Variants in MYH3 observed in about 807,000 individuals in gnomAD.
MYH3 encodes myosin heavy chain 3, also known as myosin-3.
Under a neutral mutation model 238.0 loss-of-function variants are expected in MYH3, and 130 were observed. The ratio of observed to expected loss-of-function variants is 0.55; its 90% CI spans 0.47 to 0.63. The LOEUF (loss-of-function observed/expected upper bound fraction) is 0.63, where lower values mean the gene tolerates loss of function less well. Ranked by LOEUF, MYH3 falls within the 30% of genes least tolerant of loss-of-function variation. The probability of loss-of-function intolerance (pLI) is 0.00; values close to 1 mark genes in which losing one functional copy is unlikely to be tolerated. For missense variants in MYH3, 1,853 were observed against 2,374.9 expected (o/e 0.78, Z 4.57); for synonymous variants, 880 against 924.1 (o/e 0.95, Z 0.86).
intron 12 of MYH3, 146 bp from the exon 13 acceptor site, chr17:10,644,848 A>G: frequency 1.4e-6 from 1 of 716,298 alleles, no homozygotes; most frequent in Non-Finnish European, 2.5e-6. Context: ...ATGGAAGCTA[A>G]GTCACTCAGA....
At chr17:10,665,109 A>C in the MYH3 span, among the ~76,000 whole-genome samples, 1 of 151,924 alleles carries the variant, frequency 6.6e-6, no homozygotes, top group Admixed American at 6.6e-5. Flanking sequence ...TTAAAATGTA[A>C]GCCATAACCT....
intron 36 of MYH3, among the ~76,000 whole-genome samples, chr17:10,630,889 C>T (rs113583099): frequency 0.015 from 2,245 of 152,056 alleles, 34 homozygotes; most frequent in African/African-American, 0.039. Context: ...AAAAGGACAA[C>T]GGGTGAGACT....
chr17:10,631,771 A>G, intron 35 of MYH3, 35 bp from the exon 36 acceptor site: 2 of 1,614,050 alleles, frequency 1.2e-6, no homozygotes, highest in Non-Finnish European at 1.7e-6. Context: ...CCAGGTGCGT[A>G]TGAGGCTGGA....
At chr17:10,647,758 T>C (rs1358610086) in intron 8 of MYH3, among the ~76,000 whole-genome samples, 1 of 152,192 alleles carries the variant, frequency 6.6e-6, no homozygotes, top group Non-Finnish European at 1.5e-5. Context: ...TTGGCCAGGA[T>C]GGTCTCGATC....
upstream of MYH3, among the ~76,000 whole-genome samples, chr17:10,661,611 A>T (rs115613863): frequency 4.2e-3 from 635 of 152,268 alleles, 2 homozygotes; most frequent in African/African-American, 0.014. Flanking sequence ...CAGGCAATGA[A>T]TCAGGTGGCT....
chr17:10,653,190 G>A (rs987156880), intron 3 of MYH3, among the ~76,000 whole-genome samples: 4 of 152,158 alleles, frequency 2.6e-5, no homozygotes, highest in African/African-American at 9.7e-5. Flanking sequence ...TGGGAACGGG[G>A]CCAGCAGGAA....
upstream of MYH3, chr17:10,658,486 C>CT (rs34762532): frequency 0.029 from 4,445 of 152,310 alleles, 88 homozygotes; most frequent in Middle Eastern, 0.088. Context: ...TGCTCTGGCC[C>CT]TTACACACAG....
In MYH3 at chr17:10,642,840, C is replaced by T. The variant is rs760785498; in HGVS notation, c.1567G>A (p.Glu523Lys). 5 of 1,614,070 alleles carry T rather than the reference C, an allele frequency of 3.1e-6. No homozygotes were observed. Among genetic ancestry groups the T allele is most frequent in the Non-Finnish European group, 4.2e-6 (5 of 1,180,004 alleles). ...DFGMDLAACI[E>K]LIEKPMGIFS... ...GAACTGGATACCTTCTCGATGAGCT[C>T]GATGCAGGCAGCCAGGTCCATCCCG... The change falls in exon 15 of 41, where the codon GAG becomes AAG. Residue 523 changes from glutamate to lysine, a missense_variant. Glu to Lys is a moderately conservative substitution (Grantham distance 56). Coordinates refer to ENST00000583535, the MANE Select transcript of MYH3 (RefSeq NM_002470.4). This position sits in a 1 kb window ranked among gnomAD's most constrained non-coding sequence, Gnocchi z 5.4.
chr17:10,652,727 T>C (rs1237326580), intron 3 of MYH3, among the ~76,000 whole-genome samples, 164 bp from the exon 4 acceptor site: 1 of 148,800 alleles, frequency 6.7e-6, no homozygotes, highest in Non-Finnish European at 1.5e-5. Flanking sequence ...GTTCACACCA[T>C]TCTTCTGCCT....
intron 2 of MYH3, 62 bp from the exon 3 acceptor site, chr17:10,655,134 G>A: frequency 1.4e-6 from 2 of 1,392,292 alleles, no homozygotes; most frequent in Non-Finnish European, 2.0e-6. Context: ...AGCAGCTCCA[G>A]GCCTGTTTCA....
rs2074408313 is a variant in MYH3, at chr17:10,654,354, G to A, written c.204+507C>T. Among the ~76,000 whole-genome samples, 1 of 152,178 alleles carries A rather than the reference G, an allele frequency of 6.6e-6. No individual in the cohort carries two copies. Among genetic ancestry groups the A allele is most frequent in the Admixed American group, 6.5e-5 (1 of 15,274 alleles). The stretch of plus-strand genomic sequence containing the variant: ...CCTCGCAGCACCCCCACAGTGGCTT[G>A]GGCCAGAATGTAATGGGCTGCAGTG... On this transcript the variant is annotated intron_variant, in intron 3 of 40. Transcript: ENST00000583535. The surrounding 1 kb of genome is among the most constrained non-coding windows in gnomAD (Gnocchi z 4.5).
intron 1 of MYH3, among the ~76,000 whole-genome samples, chr17:10,656,471 A>C (rs2074431330): frequency 6.7e-6 from 1 of 149,574 alleles, no homozygotes; most frequent in African/African-American, 2.5e-5. Context: ...TGGGAGACAG[A>C]GGTTGCAGTG....
At chr17:10,648,465 T>C (rs1429076585) in intron 8 of MYH3, 92 bp downstream of exon 8, 4 of 1,046,920 alleles carry the variant, frequency 3.8e-6, no homozygotes, top group Non-Finnish European at 6.0e-6. Context: ...TCATCATCTG[T>C]TGCCTCTGGT....
At position 10,632,800 on chromosome 17, in the gene MYH3, G is replaced by A; in HGVS notation, c.4648-16C>T. 4 of 1,614,020 alleles carry A rather than the reference G, an allele frequency of 2.5e-6. No homozygotes were observed. The highest frequency in any genetic ancestry group is 1.3e-5 in the African/African-American group (1 of 75,060). ...CAAGAGCAGCCTTTAAGAAACAAAA[G>A]CAAATCAAATAGTGTCTGTGATGGT... On this transcript the variant is annotated splice_polypyrimidine_tract_variant and intron_variant, in intron 33 of 40. Transcript: ENST00000583535.
intron 3 of MYH3, 44 bp from the exon 4 acceptor site, chr17:10,652,607 GTCTT>G (rs2074388092): frequency 2.7e-4 from 163 of 605,030 alleles, no homozygotes; most frequent in Middle Eastern, 5.1e-4. Context: ...TGGTCTGCAC[GTCTT>G]TTTTTTTTTT....
chr17:10,649,380 TC>T (rs1291077658), intron 7 of MYH3, among the ~76,000 whole-genome samples, 196 bp downstream of exon 7: 1 of 152,204 alleles, frequency 6.6e-6, no homozygotes, highest in East Asian at 1.9e-4. Flanking sequence ...TTCTAAGAAA[TC>T]CCGGGATCTA....
At position 10,644,714 on chromosome 17, in the gene MYH3, A is replaced by C. The variant is rs773967922; in HGVS notation, c.1142-12T>G. On this transcript the variant is annotated splice_polypyrimidine_tract_variant and intron_variant, in intron 12 of 40. Transcript: ENST00000583535. ...TGTTTTGTCAGCCACTGGCAAGAAAACAAGGACAGTGCTTAGAAAAGTAGA... is the reference window on the plus strand; with the variant it reads ...TGTTTTGTCAGCCACTGGCAAGAAACCAAGGACAGTGCTTAGAAAAGTAGA... 20 of 1,584,412 alleles carry C rather than the reference A, an allele frequency of 1.3e-5. No homozygotes were observed. Among genetic ancestry groups the C allele is most frequent in the Non-Finnish European group, 1.7e-5 (20 of 1,153,368 alleles).
At position 10,635,446 on chromosome 17, in the gene MYH3, C is replaced by T; in HGVS notation, c.4093G>A (p.Ala1365Thr). ...KAELQRALSK[A>T]NSEVAQWRTK... ...CTCCACTGGGCAACCTCACTATTGG[C>T]CTTGGACAGCGCCCTCTGCAGCTCA... is the stretch of plus-strand genomic sequence containing the variant. The change falls in exon 30 of 41, where the codon GCC (alanine) becomes ACC (threonine). Residue 1365 changes from alanine (A) to threonine (T), a missense_variant. Around this residue, in one of 3 missense-constraint regions of MYH3, gnomAD observed 1,044 missense variants for 1,192.6 expected, o/e 0.88. Coordinates refer to ENST00000583535, the MANE Select transcript of MYH3 (RefSeq NM_002470.4). 1.2e-6 allele frequency: 2 copies of T among 1,614,084 alleles called. No individual in the cohort carries two copies. The highest frequency in any genetic ancestry group is 2.2e-5 in the East Asian group (1 of 44,880).
rs191571748 is a variant in MYH3, at chr17:10,655,046, T to C, written c.19A>G (p.Met7Val). 158 of 1,614,154 alleles carry C rather than the reference T, an allele frequency of 9.8e-5. 2 individuals carry two copies. In the East Asian group the frequency reaches 3.5e-3, roughly 36 times the overall value. MSSDTE[M>V]EVFGIAAPFL... ...GGAGCAGCTATGCCGAACACTTCCA[T>C]TTCAGTGTCACTACTCATGGTGTCA... The change falls in exon 3 of 41, where the codon ATG (methionine) becomes GTG (valine). Residue 7 changes from methionine (M) to valine (V), a missense_variant. By Grantham distance (21) the Met-to-Val change is conservative (BLOSUM62 1). This residue lies in a region of MYH3 where 131 missense variants were observed against 123.5 expected (regional missense o/e 1.06). Coordinates refer to ENST00000583535, the MANE Select transcript of MYH3 (RefSeq NM_002470.4).
Sources: gnomAD v4.1 joint callset for allele counts (sites outside exome capture counted in the v4.1 genomes callset) on GRCh38, gnomAD v4.1.1 for gene constraint, gnomAD v4.1.1 regional missense constraint, Gnocchi (gnomAD v3.1) non-coding constraint, MANE v1.5 for transcripts, NCBI Gene and HGNC (gene_info 2026-07-23, HGNC 2026-07-21) for gene names.